Variants in PHACTR4 observed in about 807,000 individuals in gnomAD.
PHACTR4 encodes protein phosphatase 1, regulatory subunit 124.
A neutral mutation model predicts 72.7 loss-of-function variants in PHACTR4; 51 were observed. The ratio of observed to expected loss-of-function variants is 0.70; its 90% confidence interval spans 0.56 to 0.89. PHACTR4 has a LOEUF of 0.89. PHACTR4 is among the 40% of genes least tolerant of loss of function. The pLI, the probability that PHACTR4 is intolerant of heterozygous loss-of-function variation, is 0.00. For missense variants in PHACTR4, 731 were observed against 861.8 expected (o/e 0.85, Z 1.90); for synonymous variants, 255 against 302.5 (o/e 0.84, Z 1.63).
chr1:28,483,942 G>A (rs760908960), intron 9 of PHACTR4, among the ~76,000 whole-genome samples: 9 of 151,788 alleles, frequency 5.9e-5, no homozygotes, highest in African/African-American at 1.9e-4. Context: ...TATAATCTCC[G>A]TACTTTGGGA....
chr1:28,492,901 C>T, intron 12 of PHACTR4, 114 bp from the exon 13 acceptor site: 1 of 810,244 alleles, frequency 1.2e-6, no homozygotes, highest in Non-Finnish European at 2.0e-6. Flanking sequence ...TCTGGGTTGC[C>T]TGTGAGGGGT....
chr1:28,373,321 A>G (rs2124094707), intron 1 of PHACTR4, among the ~76,000 whole-genome samples: 1 of 148,904 alleles, frequency 6.7e-6, no homozygotes, highest in Middle Eastern at 3.6e-3. Context: ...ATGGAGTTTC[A>G]CTCTTTTTGC....
intron 9 of PHACTR4, 58 bp downstream of exon 9, chr1:28,480,662 T>A (rs1413708287): frequency 6.3e-7 from 1 of 1,588,964 alleles, no homozygotes; most frequent in Non-Finnish European, 8.6e-7. Context: ...TTGTGTTAGA[T>A]GTTGTTAGAT....
At chr1:28,493,494 T>C (rs11811381) in intron 13 of PHACTR4, among the ~76,000 whole-genome samples, 15,563 of 149,656 alleles carry the variant, frequency 0.1, 1,862 homozygotes, top group African/African-American at 0.3. Flanking sequence ...GCTGAGATCA[T>C]GCCATTGCAC....
At chr1:28,466,288 G>T (rs1299436433) in intron 5 of PHACTR4, 94 bp from the exon 6 acceptor site, 1 of 1,352,746 alleles carries the variant, frequency 7.4e-7, no homozygotes, top group Non-Finnish European at 1.0e-6. Context: ...AAATTAATTG[G>T]TGAAATTGGC....
At chr1:28,391,099 A>T (rs1393502763) in intron 1 of PHACTR4, among the ~76,000 whole-genome samples, 2 of 150,432 alleles carry the variant, frequency 1.3e-5, no homozygotes, top group Non-Finnish European at 3.0e-5. Context: ...ACCCTGTCTA[A>T]AAACAGTAAA....
chr1:28,455,169 C>A (rs1329530095), intron 2 of PHACTR4, among the ~76,000 whole-genome samples: 4 of 104,840 alleles, frequency 3.8e-5, no homozygotes, highest in Non-Finnish European at 5.8e-5. Context: ...CGCATCTGGC[C>A]TCATTTTTCT....
At chr1:28,488,660 A>G (rs1407798904) in intron 9 of PHACTR4, among the ~76,000 whole-genome samples, 4 of 152,138 alleles carry the variant, frequency 2.6e-5, no homozygotes, top group East Asian at 1.9e-4. Flanking sequence ...AAAAAAATCT[A>G]AAGAGGGGCA....
Position 28,476,247 on chromosome 1 carries a change from C to T in PHACTR4, c.1562C>T (p.Pro521Leu), listed in dbSNP as rs1322070492. 1 of 1,611,276 alleles carries T rather than the reference C, an allele frequency of 6.2e-7. No individual in the cohort carries two copies. Among genetic ancestry groups the T allele is most frequent in the Non-Finnish European group, 8.5e-7 (1 of 1,179,186 alleles). Residue 521 changes from proline (P) to leucine (L), a missense_variant, in exon 8 of 14, where the codon CCC becomes CTC. This residue lies in a region of PHACTR4 where 621 missense variants were observed against 676.6 expected (regional missense o/e 0.92). Transcript: ENST00000373839. ...EKESDSDSEG[P>L]IQYRDEEDED... The stretch of plus-strand genomic sequence containing the variant: ...GAGAGCGACTCTGATTCAGAAGGTC[C>T]CATTCAGTACCGAGATGAAGAAGAT...
Position 28,473,572 on chromosome 1 carries a change from T to C in PHACTR4, c.842T>C (p.Ile281Thr). 1 of 1,610,322 alleles carries C rather than the reference T, an allele frequency of 6.2e-7. No homozygotes were observed. Among genetic ancestry groups the C allele is most frequent in the East Asian group, 2.2e-5 (1 of 44,830 alleles). Residue 281 changes from isoleucine to threonine, a missense_variant, in exon 7 of 14, where the codon ATA becomes ACA. By Grantham distance (89) the Ile-to-Thr change is moderately conservative. Coordinates refer to ENST00000373839, the MANE Select transcript of PHACTR4 (RefSeq NM_001048183.3). ...NPVIAELSQA[I>T]NSGTLLSKPS... ...TTTCCAGCTGAACTGTCCCAAGCAA[T>C]AAACAGTGGTACATTGTTATCAAAA...
intron 1 of PHACTR4, among the ~76,000 whole-genome samples, chr1:28,400,734 C>G (rs1653882158): frequency 6.6e-6 from 1 of 152,072 alleles, no homozygotes. Flanking sequence ...CGCGCGCCAC[C>G]ACGCCCTGCT....
intron 2 of PHACTR4, among the ~76,000 whole-genome samples, chr1:28,419,571 T>C (rs1655375891): frequency 6.6e-6 from 1 of 151,860 alleles, no homozygotes; most frequent in African/African-American, 2.4e-5. Context: ...GCCTGCCGAG[T>C]AGCTGGGACT....
chr1:28,495,115 C>G (rs1661266414), intron 13 of PHACTR4, among the ~76,000 whole-genome samples: 1 of 152,048 alleles, frequency 6.6e-6, no homozygotes. Context: ...ATATTTTTAA[C>G]TTGTATTTTT....
Position 28,465,792 on chromosome 1 carries a change from G to A in PHACTR4, c.379G>A (p.Val127Ile). Residue 127 changes from valine to isoleucine, a missense_variant, in exon 5 of 14, where the codon GTA becomes ATA. Physicochemically the swap from Val to Ile is conservative, Grantham distance 29. Around this residue, in one of 2 missense-constraint regions of PHACTR4, gnomAD observed 621 missense variants for 676.6 expected, o/e 0.92. Coordinates refer to ENST00000373839, the MANE Select transcript of PHACTR4 (RefSeq NM_001048183.3). ...SSPVQVEEEP[V>I]RLASLRKAIP... is the part of the protein sequence containing the mutation. ...TCCAGTCCAAGTAGAGGAAGAGCCA[G>A]TAAGATTAGCAAGTCTTAGGAAAGC... 1 of 1,604,598 alleles carries A rather than the reference G, an allele frequency of 6.2e-7. No individual in the cohort carries two copies. Among genetic ancestry groups the A allele is most frequent in the East Asian group, 2.3e-5 (1 of 43,922 alleles).
intron 9 of PHACTR4, among the ~76,000 whole-genome samples, chr1:28,482,106 C>G (rs1660320618): frequency 6.6e-6 from 1 of 151,972 alleles, no homozygotes; most frequent in Non-Finnish European, 1.5e-5. Context: ...CCATGTTGGC[C>G]AGGCTGGTCT....
At chr1:28,466,894 AC>A in intron 6 of PHACTR4, 126 bp downstream of exon 6, 3 of 1,353,452 alleles carry the variant, frequency 2.2e-6, no homozygotes, top group Non-Finnish European at 3.0e-6. Context: ...CCTTTGAATG[AC>A]CTCAATATGG....
At chr1:28,414,042 A>T (rs952217399) in intron 2 of PHACTR4, among the ~76,000 whole-genome samples, 1 of 152,144 alleles carries the variant, frequency 6.6e-6, no homozygotes, top group Admixed American at 6.5e-5. Flanking sequence ...ATTCTCTTCC[A>T]TTTTTAATTT....
chr1:28,449,340 A>AAT (rs1657762484), intron 2 of PHACTR4, among the ~76,000 whole-genome samples: 1 of 152,094 alleles, frequency 6.6e-6, no homozygotes, highest in Non-Finnish European at 1.5e-5. Flanking sequence ...AAAAAATAAA[A>AAT]ATATATATGT....
At chr1:28,376,434 A>G (rs952693378) in intron 1 of PHACTR4, among the ~76,000 whole-genome samples, 12 of 150,614 alleles carry the variant, frequency 8.0e-5, no homozygotes, top group African/African-American at 2.7e-4. Flanking sequence ...TCCCACCTCA[A>G]CCCCCTGAGT....
Sources: allele counts gnomAD v4.1 joint callset (sites outside exome capture counted in the v4.1 genomes callset), GRCh38; gene constraint gnomAD v4.1.1; regional missense constraint gnomAD v4.1.1; transcripts MANE v1.5; gene names NCBI Gene and HGNC (gene_info 2026-07-23, HGNC 2026-07-21).